The following C6orf118 variants were observed in gnomAD, a reference collection of about 807,000 sequenced individuals.
The protein encoded by C6orf118 is chromosome 6 open reading frame 118, also known as uncharacterized protein C6orf118.
C6orf118 carries 50 observed loss-of-function variants against 50.2 expected under a neutral mutation model. The observed-to-expected ratio is 1.00, with a 90% CI of 0.79 to 1.26. The LOEUF is 1.26. C6orf118 is among the 50% of genes most tolerant of loss of function. C6orf118 has a pLI of 0.00. For synonymous variants in C6orf118, 239 were observed against 230.9 expected, an observed-to-expected ratio of 1.03 and a Z score of -0.32; for missense variants, 641 against 578.7, an observed-to-expected ratio of 1.11 and a Z score of -1.10.
chr6:165,281,768 G>A, intron 7 of C6orf118, 75 bp from the exon 8 acceptor site: 1 of 920,808 alleles, frequency 1.1e-6, no homozygotes, highest in Non-Finnish European at 1.6e-6. Context: ...TATTTAACAA[G>A]ATTATGTGAA....
At chr6:165,293,350 C>T (rs41268585) in intron 6 of C6orf118, 63 bp downstream of exon 6, 36,538 of 1,433,864 alleles carry the variant, frequency 0.025, 557 homozygotes, top group Non-Finnish European at 0.029. Flanking sequence ...CACACTGCAG[C>T]AGCTGAAATA....
At chr6:165,295,084 A>C (rs1280647290) in intron 5 of C6orf118, among the ~76,000 whole-genome samples, 1 of 151,902 alleles carries the variant, frequency 6.6e-6, no homozygotes, top group Admixed American at 6.6e-5. Flanking sequence ...TTATTTGCTT[A>C]TGTTCTATTT....
intron 5 of C6orf118, among the ~76,000 whole-genome samples, chr6:165,297,540 A>G (rs1171129658): frequency 2.0e-5 from 3 of 152,056 alleles, no homozygotes; most frequent in Admixed American, 1.3e-4. Context: ...TGGATGTTGC[A>G]GATTTCCTTT....
At chr6:165,297,689 T>G (rs1381278824) in intron 5 of C6orf118, among the ~76,000 whole-genome samples, 2 of 152,180 alleles carry the variant, frequency 1.3e-5, no homozygotes, top group African/African-American at 4.8e-5. Flanking sequence ...GTCTTAGATC[T>G]GCAGCCCTCT....
rs776228459 is a variant in C6orf118, at chr6:165,298,071, G to GC, written c.966dup (p.Gln323AlafsTer31). 1.2e-6 allele frequency: 2 copies of GC among 1,610,274 alleles called. No individual in the cohort carries two copies. The highest frequency in any genetic ancestry group is 1.7e-6 in the Non-Finnish European group (2 of 1,178,034). On this transcript the variant is annotated frameshift_variant, in exon 5 of 9. Coordinates refer to ENST00000230301, the MANE Select transcript of C6orf118 (RefSeq NM_144980.4). LOFTEE classifies it high-confidence loss of function. Reference sequence around the variant, plus strand: ...ATGTCCGCCGTCTTCACCGGCCTCTGCCCCAGCGCCTTGAGTTGAGCCAGA... The same window carrying GC: ...ATGTCCGCCGTCTTCACCGGCCTCTGCCCCCAGCGCCTTGAGTTGAGCCAGA...
intron 8 of C6orf118, 73 bp from the exon 9 acceptor site, chr6:165,280,183 A>T: frequency 8.9e-7 from 1 of 1,117,396 alleles, no homozygotes; most frequent in Non-Finnish European, 1.3e-6. Context: ...ATTTCAAAAT[A>T]AGCATCTATT....
intron 5 of C6orf118, among the ~76,000 whole-genome samples, chr6:165,296,540 A>G (rs1780317928): frequency 6.6e-6 from 1 of 152,046 alleles, no homozygotes. Flanking sequence ...AGCACTCTCC[A>G]TCACAGTGTG....
intron 5 of C6orf118, among the ~76,000 whole-genome samples, chr6:165,294,987 A>G (rs1412298076): frequency 1.3e-5 from 2 of 152,318 alleles, no homozygotes; most frequent in African/African-American, 2.4e-5. Context: ...AAATTTTTAC[A>G]TATTATAGTT....
chr6:165,291,529 A>AT (rs1430242407), intron 6 of C6orf118, among the ~76,000 whole-genome samples: 2 of 152,226 alleles, frequency 1.3e-5, no homozygotes, highest in African/African-American at 4.8e-5. Context: ...AGCCAGGGGG[A>AT]TGCCAATTTA....
intron 1 of C6orf118, among the ~76,000 whole-genome samples, chr6:165,308,573 C>T (rs1412467133): frequency 3.9e-5 from 6 of 152,158 alleles, no homozygotes; most frequent in Non-Finnish European, 8.8e-5. Flanking sequence ...CCCTCGAGTC[C>T]AGCCTGGTGA....
At chr6:165,280,526 C>T (rs1212983011) in intron 8 of C6orf118, among the ~76,000 whole-genome samples, 1 of 152,202 alleles carries the variant, frequency 6.6e-6, no homozygotes, top group Non-Finnish European at 1.5e-5. Context: ...GCACTCTATC[C>T]AATCCCTTTC....
intron 1 of C6orf118, among the ~76,000 whole-genome samples, chr6:165,305,232 C>T (rs1267076589): frequency 1.4e-5 from 1 of 71,286 alleles, no homozygotes; most frequent in Non-Finnish European, 2.4e-5. Context: ...AAAGGATTCC[C>T]GATTTAATAA....
intron 5 of C6orf118, 106 bp downstream of exon 5, chr6:165,297,871 T>A: frequency 6.6e-7 from 1 of 1,514,320 alleles, no homozygotes; most frequent in South Asian, 1.1e-5. Context: ...AAGTAGCATG[T>A]TTTCAGCAAC....
rs917334465 is a variant in C6orf118 at position 165,302,156 on chromosome 6, C to T, written c.166G>A (p.Val56Ile). The T allele has an allele frequency of 1.5e-5, 24 of 1,612,840 alleles. No homozygotes were observed. The highest frequency in any genetic ancestry group is 2.0e-5 in the Non-Finnish European group (24 of 1,179,954). Residue 56 changes from valine to isoleucine, a missense_variant, in exon 2 of 9, where the codon GTC (valine) becomes ATC (isoleucine). By Grantham distance (29) the Val-to-Ile change is conservative. Transcript: ENST00000230301. ...AGGTGTCCAGAGATGTAGAGGTAGA[C>T]GTCCTCCCGGTGGTCTTTCTGAAGC... ...NRLQKDHREDVYLYISGHLNP... is the reference protein window; with the variant it reads ...NRLQKDHREDIYLYISGHLNP...
intron 7 of C6orf118, among the ~76,000 whole-genome samples, chr6:165,282,858 G>T (rs1779775034): frequency 6.6e-6 from 1 of 151,936 alleles, no homozygotes; most frequent in Admixed American, 6.6e-5. Flanking sequence ...TTTTATCTAA[G>T]GAGGTTTTAA....
At chr6:165,306,591 G>A (rs1312237392) in intron 1 of C6orf118, among the ~76,000 whole-genome samples, 1 of 130,290 alleles carries the variant, frequency 7.7e-6, no homozygotes, top group East Asian at 2.2e-4. Context: ...ATTCTCCAAG[G>A]CAACAATCAT....
At position 165,301,725 on chromosome 6, in the gene C6orf118, G is replaced by A; in HGVS notation, c.597C>T (p.His199=). 1 of 1,614,140 alleles carries A rather than the reference G, an allele frequency of 6.2e-7. No homozygotes were observed. The highest frequency in any genetic ancestry group is 1.3e-5 in the African/African-American group (1 of 75,036). ...CGGCCAGGTAGGAGCTGACATAGTG[G>A]TGCCGGTCCCTGGTGCCTCTGGACC... ...EAGSRGTRDR[H]HYVSSYLAGA... Residue 199 remains histidine (H), a synonymous_variant, in exon 2 of 9, where the codon CAC becomes CAT. Transcript: ENST00000230301.
At chr6:165,281,379 G>C in intron 8 of C6orf118, 1 of 485,076 alleles carries the variant, frequency 2.1e-6, no homozygotes, top group South Asian at 4.2e-5. Flanking sequence ...TCATGAGTGT[G>C]AACCCTTCAA....
chr6:165,280,247 T>G lies in C6orf118; in HGVS notation c.1357-137A>C, dbSNP rs151136014. 8.1e-4 allele frequency: 514 copies of G among 635,140 alleles called. 4 individuals are homozygous for G. Among genetic ancestry groups the G allele is most frequent in the Non-Finnish European group, 2.8e-4 (107 of 376,418 alleles). The allele number at this position is 635,140 out of a possible 1,614,324, so 39.3% of individuals were successfully genotyped here. On this transcript the variant is annotated intron_variant, in intron 8 of 8. Coordinates refer to ENST00000230301, the MANE Select transcript of C6orf118 (RefSeq NM_144980.4). ...GATGAGACTTTGTAATCATTTACTT[T>G]TTTAAAACAGATATTTTGAGGGAGT...
Sources: allele counts gnomAD v4.1 joint callset (sites outside exome capture counted in the v4.1 genomes callset), GRCh38; gene constraint gnomAD v4.1.1; transcripts MANE v1.5; gene names NCBI Gene and HGNC (gene_info 2026-07-23, HGNC 2026-07-21).